The following AIM2 variants were observed in gnomAD, a reference collection of about 807,000 sequenced individuals.
The protein encoded by AIM2 is interferon-inducible protein AIM2.
AIM2 carries 30 observed loss-of-function variants against 27.7 expected under a neutral mutation model. The observed-to-expected ratio is 1.08, with a 90% CI of 0.81 to 1.47. The LOEUF (loss-of-function observed/expected upper bound fraction) is 1.47, where lower values mean the gene tolerates loss of function less well. Ranked by LOEUF, AIM2 falls within the 40% of genes most tolerant of loss-of-function variation. The probability of loss-of-function intolerance (pLI) is 0.00; values close to 1 mark genes in which losing one functional copy is unlikely to be tolerated. For synonymous variants in AIM2, 141 were observed against 145.3 expected (o/e 0.97, Z 0.21); for missense variants, 358 against 411.3 (o/e 0.87, Z 1.12).
intron 1 of AIM2, among the ~76,000 whole-genome samples, chr1:159,134,182 A>AC (rs1263527926): frequency 1.3e-5 from 2 of 151,998 alleles, no homozygotes; most frequent in Non-Finnish European, 2.9e-5. Context: ...TACTTCTAAA[A>AC]CCCTTTTTCT....
downstream of AIM2, among the ~76,000 whole-genome samples, chr1:159,061,943 T>G (rs575374487): frequency 6.6e-6 from 1 of 152,360 alleles, no homozygotes; most frequent in Non-Finnish European, 1.5e-5. Context: ...GTAGAAGTTT[T>G]ATGGTTTTAG....
At position 159,062,644 on chromosome 1, in the gene AIM2, T is replaced by C; in HGVS notation, c.*48A>G. The C allele has an allele frequency of 1.3e-6, 2 of 1,589,000 alleles. No individual in the cohort carries two copies. Among genetic ancestry groups the C allele is most frequent in the Non-Finnish European group, 1.7e-6 (2 of 1,159,768 alleles). Reference sequence around the variant, plus strand: ...AGAGGCTGTATCACATATTCTTCAATTAAATGCTGCTTAGACCAGTTGGCT... The same window carrying C: ...AGAGGCTGTATCACATATTCTTCAACTAAATGCTGCTTAGACCAGTTGGCT... On this transcript the variant is annotated 3_prime_UTR_variant, in exon 6 of 6. Transcript: ENST00000368130.
chr1:159,113,157 G>A (rs1277689593), intron 1 of AIM2, among the ~76,000 whole-genome samples: 1 of 152,030 alleles, frequency 6.6e-6, no homozygotes, highest in Non-Finnish European at 1.5e-5. Context: ...TGTTAGCCAG[G>A]ATGGTCTCGA....
chr1:159,075,148 T>A (rs76705290), intron 1 of AIM2, among the ~76,000 whole-genome samples: 1,772 of 152,156 alleles, frequency 0.012, 44 homozygotes, highest in African/African-American at 0.04. Flanking sequence ...CACATGTAAA[T>A]TAAAGCTTGG....
chr1:159,076,597 C>T (rs945742703), intron 1 of AIM2, 36 bp downstream of exon 1: 3 of 152,202 alleles, frequency 2.0e-5, no homozygotes, highest in Admixed American at 2.0e-4. Flanking sequence ...ACGGTTAAGT[C>T]TCTCGTCTCT....
At chr1:159,119,379 T>C (rs1383293051) in intron 1 of AIM2, among the ~76,000 whole-genome samples, 1 of 152,154 alleles carries the variant, frequency 6.6e-6, no homozygotes, top group African/African-American at 2.4e-5. Flanking sequence ...AATCTTATAT[T>C]TTATCTTTCC....
chr1:159,109,573 A>G (rs1330443928), intron 1 of AIM2, among the ~76,000 whole-genome samples: 3 of 152,254 alleles, frequency 2.0e-5, no homozygotes, highest in Admixed American at 6.5e-5. Context: ...ATTTAATTAA[A>G]CTAAAGGGCT....
chr1:159,140,790 A>G (rs1211294462), upstream of AIM2, among the ~76,000 whole-genome samples: 1 of 152,208 alleles, frequency 6.6e-6, no homozygotes, highest in African/African-American at 2.4e-5. Context: ...AGGAGACAGC[A>G]AAAATGAACG....
chr1:159,136,284 G>A (rs912541129), intron 1 of AIM2, among the ~76,000 whole-genome samples: 4 of 152,064 alleles, frequency 2.6e-5, no homozygotes, highest in African/African-American at 7.2e-5. Flanking sequence ...CAATCTGAAG[G>A]TTTAGAAAGA....
intron 1 of AIM2, among the ~76,000 whole-genome samples, chr1:159,085,369 A>G (rs570099018): frequency 1.3e-5 from 2 of 152,330 alleles, no homozygotes; most frequent in East Asian, 3.9e-4. Context: ...AAACTCATTC[A>G]AGAGAGATAA....
At chr1:159,146,324 CT>C (rs1553223100) in intron 1 of AIM2, among the ~76,000 whole-genome samples, 1 of 152,040 alleles carries the variant, frequency 6.6e-6, no homozygotes, top group Non-Finnish European at 1.5e-5. Context: ...CTAGCTCACT[CT>C]CCCTTATCCT....
At chr1:159,115,670 C>T (rs4255382) in intron 1 of AIM2, among the ~76,000 whole-genome samples, 149,425 of 152,192 alleles carry the variant, frequency 0.98, 73,404 homozygotes, top group Middle Eastern at 1. Context: ...TTATACCTTA[C>T]ACAATTTAAT....
At chr1:159,108,005 A>T (rs1657489230) in intron 1 of AIM2, among the ~76,000 whole-genome samples, 1 of 152,208 alleles carries the variant, frequency 6.6e-6, no homozygotes, top group Non-Finnish European at 1.5e-5. Context: ...TTCTATTGAC[A>T]CTATTCCACA....
At chr1:159,139,525 C>CT (rs1327838021) in intron 1 of AIM2, among the ~76,000 whole-genome samples, 2 of 152,192 alleles carry the variant, frequency 1.3e-5, no homozygotes, top group Admixed American at 6.5e-5. Context: ...ACAATATACT[C>CT]TTTTTTTTAA....
At chr1:159,071,920 T>C (rs938993221) in intron 2 of AIM2, among the ~76,000 whole-genome samples, 4 of 152,194 alleles carry the variant, frequency 2.6e-5, no homozygotes, top group Admixed American at 2.0e-4. Context: ...TGGATCTTTT[T>C]TAGCTAAGCA....
downstream of AIM2, among the ~76,000 whole-genome samples, chr1:159,058,772 C>A (rs1395717356): frequency 6.6e-6 from 1 of 152,080 alleles, no homozygotes; most frequent in African/African-American, 2.4e-5. Flanking sequence ...ATCACATGGC[C>A]ATGAAAAATT....
intron 1 of AIM2, among the ~76,000 whole-genome samples, chr1:159,074,368 T>C (rs1656502646): frequency 6.6e-6 from 1 of 152,216 alleles, no homozygotes; most frequent in Non-Finnish European, 1.5e-5. Flanking sequence ...ATGATATAAG[T>C]GATGATTCAA....
intron 1 of AIM2, among the ~76,000 whole-genome samples, chr1:159,112,952 A>AAT (rs1657608553): frequency 4.0e-5 from 5 of 126,356 alleles, no homozygotes; most frequent in African/African-American, 1.6e-4. Context: ...TATATATATA[A>AAT]TTTTTTTTTT....
intron 1 of AIM2, among the ~76,000 whole-genome samples, chr1:159,125,178 C>T (rs138098851): frequency 1.3e-5 from 2 of 152,240 alleles, no homozygotes; most frequent in Non-Finnish European, 2.9e-5. Context: ...CACTAAAAAT[C>T]GTGACCATTA....
Sources: allele counts gnomAD v4.1 joint callset (sites outside exome capture counted in the v4.1 genomes callset), GRCh38; gene constraint gnomAD v4.1.1; transcripts MANE v1.5; gene names NCBI Gene and HGNC (gene_info 2026-07-23, HGNC 2026-07-21).